Variants in ABCG1 observed in about 807,000 individuals in gnomAD.
ABCG1 encodes the protein ATP-binding cassette sub-family G member 1.
In ABCG1, 29 loss-of-function variants were observed where a neutral mutation model predicts 69.2. That is an observed-to-expected ratio of 0.42 (90% confidence interval 0.31 to 0.57). The LOEUF is 0.57. Among genes scored for constraint, ABCG1 ranks in the 20% least tolerant of loss-of-function variants. ABCG1 has a pLI of 0.15. For synonymous variants in ABCG1, 370 were observed against 374.8 expected, an observed-to-expected ratio of 0.99 and a Z score of 0.15; for missense variants, 718 against 898.1, an observed-to-expected ratio of 0.80 and a Z score of 2.56.
chr21:42,294,335 C>T (rs914935010), intron 13 of ABCG1, among the ~76,000 whole-genome samples: 1 of 152,198 alleles, frequency 6.6e-6, no homozygotes, highest in Non-Finnish European at 1.5e-5. Context: ...GGGGCTGCCA[C>T]GTCACAGCAG....
chr21:42,259,570 G>A (rs920504554), intron 2 of ABCG1: 23 of 1,490,500 alleles, frequency 1.5e-5, no homozygotes, highest in South Asian at 5.3e-5. Flanking sequence ...GAGGCAAATC[G>A]AGTGGCATTG....
chr21:42,254,345 C>A (rs2068268858), intron 2 of ABCG1, among the ~76,000 whole-genome samples: 1 of 152,188 alleles, frequency 6.6e-6, no homozygotes, highest in Non-Finnish European at 1.5e-5. Flanking sequence ...GTTCTCCTGG[C>A]GCCAGAGTGG....
At chr21:42,278,452 G>T (rs891314839) in intron 5 of ABCG1, among the ~76,000 whole-genome samples, 5 of 152,198 alleles carry the variant, frequency 3.3e-5, no homozygotes, top group African/African-American at 4.8e-5. Context: ...CTTTACAGAA[G>T]TAATGAAGTT....
chr21:42,210,259 G>A (rs1171313916), intron 2 of ABCG1, among the ~76,000 whole-genome samples: 1 of 152,186 alleles, frequency 6.6e-6, no homozygotes, highest in East Asian at 1.9e-4. Context: ...GGAATGTTCT[G>A]GGAGGCTCCA....
At chr21:42,283,524 C>G (rs1342500793) in intron 6 of ABCG1, among the ~76,000 whole-genome samples, 1 of 152,202 alleles carries the variant, frequency 6.6e-6, no homozygotes, top group Non-Finnish European at 1.5e-5. Flanking sequence ...TGGGCTGCAG[C>G]AAGGCCACCT....
At chr21:42,253,730 G>A (rs2068259218) in intron 2 of ABCG1, among the ~76,000 whole-genome samples, 1 of 152,122 alleles carries the variant, frequency 6.6e-6, no homozygotes, top group African/African-American at 2.4e-5. Context: ...AGCATCAGGG[G>A]ACCCTCTGTA....
At chr21:42,226,122 T>C (rs1440222419) in intron 2 of ABCG1, among the ~76,000 whole-genome samples, 1 of 152,214 alleles carries the variant, frequency 6.6e-6, no homozygotes, top group Non-Finnish European at 1.5e-5. Context: ...GATCTCAAAG[T>C]TCATGGTTGC....
intron 2 of ABCG1, among the ~76,000 whole-genome samples, chr21:42,202,599 A>T (rs1489747671): frequency 6.7e-6 from 1 of 148,390 alleles, no homozygotes; most frequent in Non-Finnish European, 1.5e-5. Context: ...CAACAGTCAC[A>T]ACAGTCTCTC....
chr21:42,243,645 G>A (rs2068087798), intron 2 of ABCG1, among the ~76,000 whole-genome samples: 1 of 152,100 alleles, frequency 6.6e-6, no homozygotes, highest in African/African-American at 2.4e-5. Context: ...TGGAAAGACA[G>A]TAGTTGCTGA....
intron 2 of ABCG1, among the ~76,000 whole-genome samples, chr21:42,203,563 T>C (rs1358903609): frequency 6.6e-6 from 1 of 152,244 alleles, no homozygotes; most frequent in Non-Finnish European, 1.5e-5. Context: ...CTTTGTATCT[T>C]TGAGTGGGTG....
upstream of ABCG1, among the ~76,000 whole-genome samples, chr21:42,211,817 G>A (rs1456728974): frequency 6.6e-6 from 1 of 152,072 alleles, no homozygotes; most frequent in Non-Finnish European, 1.5e-5. Flanking sequence ...GGAATCTGGG[G>A]GGCAGAGGCT....
chr21:42,260,233 T>C lies in ABCG1; in HGVS notation c.287-10837T>C, dbSNP rs562751565. On this transcript the variant is annotated intron_variant, in intron 2 of 14. Transcript: ENST00000398449. Reference sequence around the variant, plus strand: ...GCTCACTTCAACCCTGCAGGTGGCATTGGGCGGCAAGCATTTCTAGGACCC... The same window carrying C: ...GCTCACTTCAACCCTGCAGGTGGCACTGGGCGGCAAGCATTTCTAGGACCC... 68 of 1,533,300 alleles carry C rather than the reference T, an allele frequency of 4.4e-5. No individual in the cohort carries two copies. The East Asian group carries it at 5.9e-4, about 13-fold the overall frequency. 95.0% of individuals were successfully genotyped at this position (1,533,300 alleles called of 1,614,324 possible).
chr21:42,213,976 A>T (rs963484106), upstream of ABCG1, among the ~76,000 whole-genome samples: 42 of 152,156 alleles, frequency 2.8e-4, no homozygotes, highest in African/African-American at 1.0e-3. Context: ...TCTGGGCTTT[A>T]GACTTTTTAT....
intron 2 of ABCG1, among the ~76,000 whole-genome samples, chr21:42,264,024 C>T (rs948780611): frequency 6.6e-6 from 1 of 152,216 alleles, no homozygotes; most frequent in African/African-American, 2.4e-5. Flanking sequence ...GTCTTGCTCA[C>T]GTCCTCATGG....
At position 42,219,808 on chromosome 21, in the gene ABCG1, C is replaced by G. The variant is rs1192362839; in HGVS notation, c.42+504C>G. ...TGGGGGAACAAAAGAGGAAGCTGCC[C>G]CCAGAGAGCCGGAGCCTGCGACTGC... On this transcript the variant is annotated intron_variant, in intron 1 of 14. Coordinates refer to ENST00000398449, the MANE Select transcript of ABCG1 (RefSeq NM_016818.3). This position sits in a 1 kb window ranked among gnomAD's most constrained non-coding sequence, Gnocchi z 5.3. 2 of 1,435,890 alleles carry G rather than the reference C, an allele frequency of 1.4e-6. No individual in the cohort carries two copies. The highest frequency in any genetic ancestry group is 5.2e-5 in the East Asian group (2 of 38,428). The allele number at this position is 1,435,890 out of a possible 1,614,324, so 88.9% of individuals were successfully genotyped here. A position where few individuals can be genotyped will look rare whatever the true frequency, so the allele number is the denominator to read the frequency against.
chr21:42,266,659 C>T (rs2068511010), intron 2 of ABCG1, among the ~76,000 whole-genome samples: 1 of 152,194 alleles, frequency 6.6e-6, no homozygotes, highest in Non-Finnish European at 1.5e-5. Flanking sequence ...ACCACAGCCC[C>T]GGGCACTGCT....
intron 2 of ABCG1, among the ~76,000 whole-genome samples, chr21:42,255,883 T>C (rs952773615): frequency 6.6e-6 from 1 of 152,248 alleles, no homozygotes; most frequent in Non-Finnish European, 1.5e-5. Flanking sequence ...TGGTGAGTTC[T>C]GCAGAGAATG....
intron 13 of ABCG1, among the ~76,000 whole-genome samples, chr21:42,293,632 A>ACAC (rs2069138498): frequency 9.3e-6 from 1 of 107,462 alleles, no homozygotes; most frequent in African/African-American, 3.8e-5. Flanking sequence ...TACACACCAC[A>ACAC]CACACACCAC....
Position 42,273,791 on chromosome 21 carries a change from T to G in ABCG1, c.537+356T>G, listed in dbSNP as rs138916053. Among the ~76,000 whole-genome samples, 16 of 152,330 alleles carry G rather than the reference T, an allele frequency of 1.1e-4. No homozygotes were observed. In the East Asian group the frequency reaches 3.1e-3, roughly 29 times the overall value. On this transcript the variant is annotated intron_variant, in intron 4 of 14. Transcript: ENST00000398449. The surrounding 1 kb of genome is among the most constrained non-coding windows in gnomAD (Gnocchi z 5.3). Reference sequence around the variant, plus strand: ...GCTTGGGATTCTCCTTCCTGTCAGCTATCCTTGAGTCTTTCCGTGTCTTTG... The same window carrying G: ...GCTTGGGATTCTCCTTCCTGTCAGCGATCCTTGAGTCTTTCCGTGTCTTTG...
Sources: gnomAD v4.1 joint callset for allele counts (sites outside exome capture counted in the v4.1 genomes callset) on GRCh38, gnomAD v4.1.1 for gene constraint, Gnocchi (gnomAD v3.1) non-coding constraint, MANE v1.5 for transcripts, NCBI Gene and HGNC (gene_info 2026-07-23, HGNC 2026-07-21) for gene names.